SMAD4: variants seen among roughly 807,000 people sequenced by gnomAD.
The protein encoded by SMAD4 is MAD homolog 4.
SMAD4 carries 7 observed loss-of-function variants against 63.2 expected under a neutral mutation model. That is an observed-to-expected ratio of 0.11 (90% CI 0.06 to 0.21). The LOEUF is 0.21. Ranked by LOEUF, SMAD4 falls within the 10% of genes least tolerant of loss-of-function variation. The pLI, the probability that SMAD4 is intolerant of heterozygous loss-of-function variation, is 1.00. For synonymous variants in SMAD4, 215 were observed against 235.4 expected (o/e 0.91, Z 0.79); for missense variants, 312 against 693.8 (o/e 0.45, Z 6.18).
Position 51,078,647 on chromosome 18 carries a change from T to C in SMAD4, c.*180T>C. The C allele has an allele frequency of 1.7e-6, 1 of 581,020 alleles. No individual in the cohort carries two copies. Among genetic ancestry groups the C allele is most frequent in the Non-Finnish European group, 3.0e-6 (1 of 329,146 alleles). The allele number at this position is 581,020 out of a possible 1,614,324, so 36.0% of individuals were successfully genotyped here. On this transcript the variant is annotated 3_prime_UTR_variant, in exon 12 of 12. Coordinates refer to ENST00000342988, the MANE Select transcript of SMAD4 (RefSeq NM_005359.6). ...AACTGGATTAAAACAATTTTTTTTT[T>C]CCTCTTCAGAACTTGTCAGGCATGG...
chr18:51,047,323 C>A (rs1407792239), intron 2 of SMAD4, 28 bp downstream of exon 2: 1 of 1,604,970 alleles, frequency 6.2e-7, no homozygotes, highest in South Asian at 1.1e-5. Flanking sequence ...TTTTCTATAC[C>A]CTCTATGGTG....
chr18:51,070,638 A>T (rs935104619), intron 10 of SMAD4, among the ~76,000 whole-genome samples: 7 of 152,178 alleles, frequency 4.6e-5, no homozygotes, highest in African/African-American at 1.7e-4. Flanking sequence ...ATTAAATGAA[A>T]AATTCCAGAA....
At chr18:51,069,874 C>G (rs531903578) in intron 10 of SMAD4, among the ~76,000 whole-genome samples, 1 of 152,256 alleles carries the variant, frequency 6.6e-6, no homozygotes, top group Admixed American at 6.5e-5. Context: ...GTTCCCTGCC[C>G]TTTGTTTATG....
At chr18:51,040,682 G>A (rs960865833) in intron 1 of SMAD4, among the ~76,000 whole-genome samples, 1 of 152,140 alleles carries the variant, frequency 6.6e-6, no homozygotes, top group African/African-American at 2.4e-5. Flanking sequence ...TGGTTATTTG[G>A]CTTTCTCGTC....
rs1060504029 is a variant in SMAD4, at chr18:51,058,422, C to T, written c.870C>T (p.His290=). ...LPHHQNGHLQ[H]HPPMPPHPGH... Reference sequence around the variant, plus strand: ...ACCACCAAAACGGCCATCTTCAGCACCACCCGCCTATGCCGCCCCATCCCG... The same window carrying T: ...ACCACCAAAACGGCCATCTTCAGCATCACCCGCCTATGCCGCCCCATCCCG... The change falls in exon 7 of 12, where the codon CAC becomes CAT. Residue 290 remains histidine, a synonymous_variant. Coordinates refer to ENST00000342988, the MANE Select transcript of SMAD4 (RefSeq NM_005359.6). The T allele has an allele frequency of 1.4e-5, 23 of 1,613,814 alleles. No homozygotes were observed. Among genetic ancestry groups the T allele is most frequent in the Non-Finnish European group, 1.7e-5 (20 of 1,179,934 alleles).
At chr18:51,041,457 G>T (rs890791031) in intron 1 of SMAD4, among the ~76,000 whole-genome samples, 6 of 152,170 alleles carry the variant, frequency 3.9e-5, no homozygotes, top group Admixed American at 6.5e-5. Flanking sequence ...TTTTAGGCTG[G>T]ATAATTTATT....
intron 5 of SMAD4, 124 bp from the exon 6 acceptor site, chr18:51,058,001 G>A (rs991103060): frequency 3.5e-6 from 4 of 1,140,404 alleles, no homozygotes; most frequent in Middle Eastern, 2.5e-4. Context: ...CCATGGGTGA[G>A]TTACACTTTT....
In SMAD4 at chr18:51,046,908, T is replaced by C; in HGVS notation, c.-127-12T>C. 1 of 700,838 alleles carries C rather than the reference T, an allele frequency of 1.4e-6. No homozygotes were observed. The highest frequency in any genetic ancestry group is 2.4e-6 in the Non-Finnish European group (1 of 420,232). The allele number at this position is 700,838 out of a possible 1,614,324, so 43.4% of individuals were successfully genotyped here. On this transcript the variant is annotated splice_polypyrimidine_tract_variant and intron_variant, in intron 1 of 11. Transcript: ENST00000342988. ...TGTTCTGATGTGTGTCTTTTTTTTTTTTCTTTTTTAGGTTATCCTGAATAC... is the reference window on the plus strand; with the variant it reads ...TGTTCTGATGTGTGTCTTTTTTTTTCTTCTTTTTTAGGTTATCCTGAATAC...
rs1377616590 is a variant in SMAD4, at chr18:51,080,213, C to T, written c.*1746C>T. On this transcript the variant is annotated 3_prime_UTR_variant, in exon 12 of 12. Coordinates refer to ENST00000342988, the MANE Select transcript of SMAD4 (RefSeq NM_005359.6). Reference sequence around the variant, plus strand: ...TCAGAAGGTCTTTTAAATAGACCATCCTAGAAACCACTGAGTTTGCTTATT... The same window carrying T: ...TCAGAAGGTCTTTTAAATAGACCATTCTAGAAACCACTGAGTTTGCTTATT... The T allele has an allele frequency of 8.6e-6, 2 of 232,296 alleles. No homozygotes were observed. Among genetic ancestry groups the T allele is most frequent in the Non-Finnish European group, 1.7e-5 (2 of 117,574 alleles). The allele number at this position is 232,296 out of a possible 1,614,324, so 14.4% of individuals were successfully genotyped here.
At chr18:51,063,614 T>C (rs1286995722) in intron 8 of SMAD4, among the ~76,000 whole-genome samples, 1 of 152,056 alleles carries the variant, frequency 6.6e-6, no homozygotes, top group Non-Finnish European at 1.5e-5. Flanking sequence ...GGTTTCACCA[T>C]GTTGCCCAGG....
At chr18:51,070,541 CAGAA>C (rs1369972527) in intron 10 of SMAD4, among the ~76,000 whole-genome samples, 1 of 152,172 alleles carries the variant, frequency 6.6e-6, no homozygotes, top group Non-Finnish European at 1.5e-5. Context: ...TCTTACTAGT[CAGAA>C]AGAGACAGTT....
chr18:51,073,384 TATATACACACACACACAC>T (rs1272857671), intron 10 of SMAD4, among the ~76,000 whole-genome samples: 7 of 85,738 alleles, frequency 8.2e-5, no homozygotes, highest in Admixed American at 6.6e-4. Context: ...TATATATATA[TATATACACACACACACAC>T]ACACACACAC....
chr18:51,039,152 C>CAGCT (rs1909297775), intron 1 of SMAD4, among the ~76,000 whole-genome samples: 1 of 152,192 alleles, frequency 6.6e-6, no homozygotes, highest in Non-Finnish European at 1.5e-5. Flanking sequence ...GAGAGTTTGA[C>CAGCT]AGCTGCTGTT....
intron 1 of SMAD4, among the ~76,000 whole-genome samples, chr18:51,038,763 A>T (rs2156009): frequency 0.01 from 1,575 of 152,298 alleles, 28 homozygotes; most frequent in African/African-American, 0.036. Flanking sequence ...TATTAACGTA[A>T]TGGGTTTATT....
chr18:51,046,898 C>G (rs1909559047), intron 1 of SMAD4, 22 bp from the exon 2 acceptor site: 2 of 540,912 alleles, frequency 3.7e-6, no homozygotes, highest in Non-Finnish European at 6.3e-6. Flanking sequence ...TGATGTGTGT[C>G]TTTTTTTTTT....
At chr18:51,045,093 T>G (rs942454884) in intron 1 of SMAD4, 4 of 152,132 alleles carry the variant, frequency 2.6e-5, no homozygotes, top group African/African-American at 9.7e-5. Flanking sequence ...ACTACAACAG[T>G]GGCAGGGAGA....
chr18:51,067,820 A>T (rs1910205685), intron 10 of SMAD4, among the ~76,000 whole-genome samples: 1 of 152,206 alleles, frequency 6.6e-6, no homozygotes, highest in Non-Finnish European at 1.5e-5. Flanking sequence ...CTGGACTTTC[A>T]TCTTAGCCAA....
chr18:51,043,670 A>C (rs950223443), intron 1 of SMAD4, among the ~76,000 whole-genome samples: 2 of 152,316 alleles, frequency 1.3e-5, no homozygotes, highest in African/African-American at 4.8e-5. Context: ...TATCATTTGT[A>C]TTCAAAGCAA....
chr18:51,057,502 A>C (rs1331336155), intron 5 of SMAD4, among the ~76,000 whole-genome samples: 1 of 152,216 alleles, frequency 6.6e-6, no homozygotes, highest in African/African-American at 2.4e-5. Context: ...GGTTTATAAA[A>C]GCTCTTGAAA....
Sources: allele counts gnomAD v4.1 joint callset (sites outside exome capture counted in the v4.1 genomes callset), GRCh38; gene constraint gnomAD v4.1.1; transcripts MANE v1.5; gene names NCBI Gene and HGNC (gene_info 2026-07-23, HGNC 2026-07-21).